The following CCDC169 variants were observed in gnomAD, a reference collection of about 807,000 sequenced individuals.
The protein encoded by CCDC169 is coiled-coil domain-containing protein 169.
In CCDC169, 30 loss-of-function variants were observed where a neutral mutation model predicts 36.0. The observed-to-expected ratio is 0.83, with a 90% CI of 0.62 to 1.13. The LOEUF is 1.13. CCDC169 is among the 50% of genes most tolerant of loss of function. The pLI is 0.00. For missense variants in CCDC169, 245 were observed against 245.9 expected (o/e 1.00, Z 0.03); for synonymous variants, 85 against 81.5 (o/e 1.04, Z -0.23).
chr13:36,255,458 G>A (rs2138485416), intron 4 of CCDC169, among the ~76,000 whole-genome samples: 1 of 152,214 alleles, frequency 6.6e-6, no homozygotes, highest in East Asian at 1.9e-4. Flanking sequence ...GAGCTAAGGA[G>A]TTCGACACCA....
intron 6 of CCDC169, among the ~76,000 whole-genome samples, chr13:36,251,160 T>G (rs1418670153): frequency 1.3e-5 from 2 of 152,266 alleles, no homozygotes; most frequent in East Asian, 3.9e-4. Flanking sequence ...AAACAGTGAA[T>G]CAAGAGTGAG....
downstream of CCDC169, chr13:36,225,018 T>A (rs901697919): frequency 1.1e-4 from 16 of 151,842 alleles, no homozygotes; most frequent in Admixed American, 9.8e-4. Flanking sequence ...TCTTCAACAG[T>A]CAACAAAAAT....
downstream of CCDC169, chr13:36,226,889 A>G (rs1593976253): frequency 2.7e-6 from 1 of 373,734 alleles, no homozygotes; most frequent in Non-Finnish European, 4.7e-6. Context: ...CCCAAATCTC[A>G]GCATTATACA....
intron 4 of CCDC169, among the ~76,000 whole-genome samples, chr13:36,266,868 T>C (rs1376525108): frequency 6.6e-6 from 1 of 152,212 alleles, no homozygotes; most frequent in Non-Finnish European, 1.5e-5. Flanking sequence ...TCCTGCTACA[T>C]GGTGAGTGAG....
At chr13:36,281,127 A>T (rs1877476986) in intron 4 of CCDC169, 1 of 358,320 alleles carries the variant, frequency 2.8e-6, no homozygotes, top group African/African-American at 2.2e-5. Flanking sequence ...TGAGAAGGCG[A>T]AGCAGCCATC....
chr13:36,290,839 C>CT (rs764324612), intron 2 of CCDC169, among the ~76,000 whole-genome samples: 6 of 152,042 alleles, frequency 3.9e-5, no homozygotes, highest in Non-Finnish European at 7.4e-5. Flanking sequence ...GTCTTTGACT[C>CT]TAAGTTCCTT....
chr13:36,289,784 A>G (rs971290435), intron 2 of CCDC169, among the ~76,000 whole-genome samples: 1 of 152,192 alleles, frequency 6.6e-6, no homozygotes, highest in African/African-American at 2.4e-5. Flanking sequence ...GTCTTTCAAT[A>G]ATCATTTTGG....
chr13:36,243,125 GC>G (rs1283383111), intron 7 of CCDC169, among the ~76,000 whole-genome samples: 1 of 152,204 alleles, frequency 6.6e-6, no homozygotes, highest in Non-Finnish European at 1.5e-5. Flanking sequence ...TGGGACTGCA[GC>G]TGCGCTATAG....
At chr13:36,244,027 C>A (rs1872185701) in intron 7 of CCDC169, among the ~76,000 whole-genome samples, 1 of 152,066 alleles carries the variant, frequency 6.6e-6, no homozygotes. Context: ...ACTATTTAAG[C>A]AAATTTGAAT....
chr13:36,288,127 G>C (rs1265400434), intron 2 of CCDC169, among the ~76,000 whole-genome samples: 1 of 151,848 alleles, frequency 6.6e-6, no homozygotes, highest in African/African-American at 2.4e-5. Context: ...TTCTGCCTCA[G>C]CCTCCCGAGT....
chr13:36,246,438 C>T (rs1872516182), intron 7 of CCDC169, among the ~76,000 whole-genome samples: 1 of 152,198 alleles, frequency 6.6e-6, no homozygotes, highest in African/African-American at 2.4e-5. Flanking sequence ...AAAGAAACCA[C>T]AATATTCTCT....
At chr13:36,289,244 TC>T (rs1157058189) in intron 2 of CCDC169, among the ~76,000 whole-genome samples, 5 of 152,206 alleles carry the variant, frequency 3.3e-5, no homozygotes, top group African/African-American at 1.2e-4. Flanking sequence ...CAGCTTTTTC[TC>T]CCCCTGAGAA....
chr13:36,256,490 A>G (rs1190925541), intron 4 of CCDC169, among the ~76,000 whole-genome samples: 1 of 152,192 alleles, frequency 6.6e-6, no homozygotes, highest in East Asian at 1.9e-4. Context: ...CAAGAACAGC[A>G]TGGAGGAAAC....
chr13:36,249,130 G>A (rs1013797600), intron 6 of CCDC169, among the ~76,000 whole-genome samples: 1 of 152,176 alleles, frequency 6.6e-6, no homozygotes, highest in African/African-American at 2.4e-5. Flanking sequence ...GAAATTTCTA[G>A]TGGTCAGTGT....
chr13:36,257,863 G>C (rs1336345478), intron 4 of CCDC169, among the ~76,000 whole-genome samples: 3 of 151,710 alleles, frequency 2.0e-5, no homozygotes, highest in Non-Finnish European at 4.4e-5. Context: ...TCTGACTTAG[G>C]ACATGTCACT....
At chr13:36,269,644 A>C in intron 4 of CCDC169, among the ~76,000 whole-genome samples, 1 of 152,238 alleles carries the variant, frequency 6.6e-6, no homozygotes, top group Non-Finnish European at 1.5e-5. Flanking sequence ...AATGTGATAT[A>C]TCACAAAAAA....
At chr13:36,241,808 T>C (rs9546844) in intron 7 of CCDC169, among the ~76,000 whole-genome samples, 61,591 of 151,990 alleles carry the variant, frequency 0.41, 13,260 homozygotes, top group Non-Finnish European at 0.48. Context: ...ATGTATTTGA[T>C]ATGGTTTGGC....
intron 2 of CCDC169, among the ~76,000 whole-genome samples, chr13:36,285,668 T>TTAG (rs1878161489): frequency 1.3e-5 from 2 of 152,098 alleles, no homozygotes; most frequent in Admixed American, 6.5e-5. Context: ...GACCGACCTA[T>TTAG]TAGTATACAG....
In CCDC169 at chr13:36,297,627, G is replaced by A. The variant is rs2281865; in HGVS notation, c.83+10C>T. 428,348 of 1,548,066 alleles carry A rather than the reference G, an allele frequency of 0.28. 60,760 individuals carry two copies. Among genetic ancestry groups the A allele is most frequent in the East Asian group, 0.47 (19,299 of 40,868 alleles). ...GACGGGACCCCACACCGCGCCGCCC[G>A]CCGACTCACTTCTTGCGGACTTCTT... On this transcript the variant is annotated intron_variant, in intron 1 of 7. Transcript: ENST00000239859.
Sources: allele counts gnomAD v4.1 joint callset (sites outside exome capture counted in the v4.1 genomes callset), GRCh38; gene constraint gnomAD v4.1.1; transcripts MANE v1.5; gene names NCBI Gene and HGNC (gene_info 2026-07-23, HGNC 2026-07-21).